The following WDR64 variants were observed in gnomAD, a reference collection of about 807,000 sequenced individuals.
WDR64 encodes WD repeat domain 64.
A neutral mutation model predicts 139.3 loss-of-function variants in WDR64; 112 were observed. The ratio of observed to expected loss-of-function variants is 0.80; its 90% CI spans 0.69 to 0.94. The LOEUF (loss-of-function observed/expected upper bound fraction) is 0.94, where lower values mean the gene tolerates loss of function less well. WDR64 is among the 40% of genes least tolerant of loss of function. WDR64 has a pLI of 0.00. For synonymous variants in WDR64, 444 were observed against 437.7 expected, an observed-to-expected ratio of 1.01 and a Z score of -0.18; for missense variants, 1,206 against 1,293.1, an observed-to-expected ratio of 0.93 and a Z score of 1.03.
chr1:241,678,860 G>GAAAAAAAAAAAAA (rs58075238), intron 5 of WDR64, among the ~76,000 whole-genome samples: 1 of 33,616 alleles, frequency 3.0e-5, no homozygotes, highest in African/African-American at 1.2e-4. Context: ...TTCTTAAACT[G>GAAAAAAAAAAAAA]AAAAAAAAAA....
At chr1:241,689,714 TA>T (rs1667141919) in intron 8 of WDR64, among the ~76,000 whole-genome samples, 1 of 152,064 alleles carries the variant, frequency 6.6e-6, no homozygotes, top group African/African-American at 2.4e-5. Context: ...AGGGCTCGGA[TA>T]AAGCAGGCAG....
chr1:241,687,420 G>C, intron 7 of WDR64, 41 bp from the exon 8 acceptor site: 1 of 1,606,454 alleles, frequency 6.2e-7, no homozygotes, highest in East Asian at 2.2e-5. Context: ...ATACGTTTGT[G>C]TGTCTAACAT....
chr1:241,769,501 G>A lies in WDR64; in HGVS notation c.2179G>A (p.Ala727Thr), dbSNP rs1037910619. Residue 727 changes from alanine to threonine, a missense_variant, in exon 17 of 28, where the codon GCA becomes ACA. By Grantham distance (58) the Ala-to-Thr change is moderately conservative. Coordinates refer to ENST00000437684, the MANE Select transcript of WDR64 (RefSeq NM_001367482.1). ...ILFLFRTPEC[A>T]RRSSQDSICS... ...GTTCCTCTTTCGTACCCCTGAATGTGCAAGGTAACTCGTTACTTACTGAAC... is the reference window on the plus strand; with the variant it reads ...GTTCCTCTTTCGTACCCCTGAATGTACAAGGTAACTCGTTACTTACTGAAC... 12 of 1,550,780 alleles carry A rather than the reference G, an allele frequency of 7.7e-6. No homozygotes were observed. Among genetic ancestry groups the A allele is most frequent in the Admixed American group, 2.0e-5 (1 of 50,982 alleles).
intron 19 of WDR64, among the ~76,000 whole-genome samples, chr1:241,772,451 C>CCT (rs1658491003): frequency 1.7e-5 from 1 of 59,020 alleles, no homozygotes; most frequent in African/African-American, 6.4e-5. Context: ...AAGATAGATC[C>CCT]TTTTTTTTTT....
chr1:241,774,178 C>T (rs1658565943), intron 20 of WDR64, among the ~76,000 whole-genome samples: 1 of 152,166 alleles, frequency 6.6e-6, no homozygotes, highest in African/African-American at 2.4e-5. Flanking sequence ...CCTTCCTACA[C>T]AGAAACTCAG....
chr1:241,734,987 A>C (rs1669241254), intron 10 of WDR64, among the ~76,000 whole-genome samples: 1 of 152,226 alleles, frequency 6.6e-6, no homozygotes, highest in Non-Finnish European at 1.5e-5. Flanking sequence ...ATGGGCATCT[A>C]GAGAAAGAGC....
chr1:241,799,587 A>T (rs1659466576), intron 27 of WDR64, among the ~76,000 whole-genome samples: 1 of 152,210 alleles, frequency 6.6e-6, no homozygotes, highest in Non-Finnish European at 1.5e-5. Flanking sequence ...TGCAATGATC[A>T]TCCTCCTGTT....
intron 22 of WDR64, among the ~76,000 whole-genome samples, chr1:241,781,876 A>G (rs1395608303): frequency 6.6e-6 from 1 of 152,262 alleles, no homozygotes; most frequent in Non-Finnish European, 1.5e-5. Context: ...GTATATGTTC[A>G]TGGAGTCATG....
chr1:241,696,481 A>G (rs944566567), intron 8 of WDR64, among the ~76,000 whole-genome samples: 1 of 152,200 alleles, frequency 6.6e-6, no homozygotes, highest in Non-Finnish European at 1.5e-5. Context: ...AGGCAGTGAC[A>G]TGGGCTGCTT....
At chr1:241,725,867 G>A (rs931152813) in intron 10 of WDR64, among the ~76,000 whole-genome samples, 4 of 151,752 alleles carry the variant, frequency 2.6e-5, no homozygotes, top group Non-Finnish European at 5.9e-5. Flanking sequence ...TTGCTCTGTC[G>A]TCCGGGCTAG....
At chr1:241,766,968 T>C (rs920247234) in intron 16 of WDR64, among the ~76,000 whole-genome samples, 5 of 152,162 alleles carry the variant, frequency 3.3e-5, no homozygotes, top group African/African-American at 1.2e-4. Flanking sequence ...ACATAACAAC[T>C]TCAAACTAAT....
intron 20 of WDR64, among the ~76,000 whole-genome samples, chr1:241,774,806 G>A (rs1258204609): frequency 1.3e-5 from 2 of 152,122 alleles, no homozygotes; most frequent in Non-Finnish European, 1.5e-5. Flanking sequence ...CTGAGGAATT[G>A]CATGAAAAGG....
chr1:241,743,299 CCT>C lies in WDR64; in HGVS notation c.1471-1093_1471-1092del, dbSNP rs1669622497. On this transcript the variant is annotated intron_variant, in intron 12 of 27. Coordinates refer to ENST00000437684, the MANE Select transcript of WDR64 (RefSeq NM_001367482.1). The stretch of plus-strand genomic sequence containing the variant: ...ACTGCAGGCCAGGAGATGGGTGACC[CCT>C]GAGACCCATTCATGCAATGACCCAC... Among the ~76,000 whole-genome samples, 7 of 152,176 alleles carry C rather than the reference CCT, an allele frequency of 4.6e-5. No homozygotes were observed. In the South Asian group the frequency reaches 1.5e-3, roughly 32 times the overall value.
At chr1:241,653,415 A>T (rs1254787608) in intron 1 of WDR64, among the ~76,000 whole-genome samples, 1 of 152,180 alleles carries the variant, frequency 6.6e-6, no homozygotes, top group South Asian at 2.1e-4. Context: ...AGCTGGTATT[A>T]ATTGAATAGT....
intron 6 of WDR64, among the ~76,000 whole-genome samples, chr1:241,681,843 GT>G (rs1289451619): frequency 1.3e-5 from 2 of 152,102 alleles, no homozygotes; most frequent in African/African-American, 4.8e-5. Flanking sequence ...GTATCATATT[GT>G]GGTTTTGATT....
intron 2 of WDR64, among the ~76,000 whole-genome samples, chr1:241,667,781 C>A (rs1197932446): frequency 6.6e-6 from 1 of 152,160 alleles, no homozygotes; most frequent in Non-Finnish European, 1.5e-5. Flanking sequence ...TCTACTGACA[C>A]CTTCATATTA....
chr1:241,770,400 A>C, intron 17 of WDR64: 1 of 428,146 alleles, frequency 2.3e-6, no homozygotes, highest in Middle Eastern at 6.0e-4. Flanking sequence ...CAAAGGGAGC[A>C]ATAAACCTTA....
chr1:241,655,385 T>TC (rs1573979882), intron 1 of WDR64, among the ~76,000 whole-genome samples: 1 of 151,870 alleles, frequency 6.6e-6, no homozygotes, highest in Admixed American at 6.6e-5. Context: ...AGAGACTCTG[T>TC]CCCCCCTCAC....
rs1659331638 is a variant in WDR64 at position 241,795,290 on chromosome 1, G to A, written c.3078+3G>A. The A allele has an allele frequency of 5.0e-6, 8 of 1,611,156 alleles. No homozygotes were observed. The highest frequency in any genetic ancestry group is 1.3e-5 in the African/African-American group (1 of 74,826). On this transcript the variant is annotated splice_donor_region_variant and intron_variant, in intron 26 of 27. Coordinates refer to ENST00000437684, the MANE Select transcript of WDR64 (RefSeq NM_001367482.1). ...TCGGCTCTCTGCCTATATACAGTGT[G>A]AGTTGGAGTTTCTAGGAGTAGAGGG...
Sources: allele counts gnomAD v4.1 joint callset (sites outside exome capture counted in the v4.1 genomes callset), GRCh38; gene constraint gnomAD v4.1.1; transcripts MANE v1.5; gene names NCBI Gene and HGNC (gene_info 2026-07-23, HGNC 2026-07-21).